Variants in NRG1 observed in about 807,000 individuals in gnomAD.
NRG1 encodes the protein neuregulin 1.
Under a neutral mutation model 63.8 loss-of-function variants are expected in NRG1, and 18 were observed. The observed-to-expected ratio is 0.28, with a 90% confidence interval of 0.19 to 0.42. NRG1 has a LOEUF of 0.42. NRG1 is among the 10% of genes least tolerant of loss of function. The pLI is 1.00. For synonymous variants in NRG1, 302 were observed against 301.3 expected (o/e 1.00, Z -0.02); for missense variants, 762 against 814.7 (o/e 0.94, Z 0.79).
intron 3 of NRG1, 55 bp from the exon 4 acceptor site, chr8:32,614,459 C>T (rs1455865978): frequency 6.4e-7 from 1 of 1,567,912 alleles, no homozygotes; most frequent in Non-Finnish European, 8.8e-7. Context: ...GCTGTGGTAC[C>T]TGCTCCCGGC....
At chr8:31,862,579 G>A (rs1254816744) in intron 1 of NRG1, among the ~76,000 whole-genome samples, 4 of 152,120 alleles carry the variant, frequency 2.6e-5, no homozygotes, top group South Asian at 4.1e-4. Context: ...GCTTTAGCCC[G>A]ACCATGACTT....
chr8:32,741,931 A>G (rs1400460136), intron 6 of NRG1, 77 bp from the exon 7 acceptor site: 2 of 1,040,844 alleles, frequency 1.9e-6, no homozygotes, highest in Non-Finnish European at 3.0e-6. Flanking sequence ...TCCATATTCC[A>G]TAGGAGGAAA....
chr8:31,679,582 C>T (rs180973555), intron 1 of NRG1, among the ~76,000 whole-genome samples: 14 of 152,140 alleles, frequency 9.2e-5, no homozygotes, highest in Admixed American at 9.2e-4. Context: ...AAGGTAAAAA[C>T]ATTGAGCAAA....
At chr8:32,119,717 C>G (rs1448687479) in intron 1 of NRG1, among the ~76,000 whole-genome samples, 2 of 151,934 alleles carry the variant, frequency 1.3e-5, no homozygotes, top group African/African-American at 4.8e-5. Context: ...ACACCCAGGA[C>G]AACTGGAAGG....
chr8:32,226,064 G>A (rs1343266826), intron 1 of NRG1, among the ~76,000 whole-genome samples: 6 of 152,072 alleles, frequency 3.9e-5, no homozygotes, highest in Non-Finnish European at 7.4e-5. Context: ...GTTGCATTGA[G>A]GACTGAAGAT....
intron 1 of NRG1, among the ~76,000 whole-genome samples, chr8:32,318,123 A>G (rs1156617945): frequency 2.0e-5 from 3 of 152,222 alleles, no homozygotes; most frequent in Non-Finnish European, 4.4e-5. Flanking sequence ...ATTTGGCAGA[A>G]GGCAAGGGTA....
chr8:31,993,440 C>T (rs964124596), intron 1 of NRG1, among the ~76,000 whole-genome samples: 1 of 151,946 alleles, frequency 6.6e-6, no homozygotes, highest in Non-Finnish European at 1.5e-5. Flanking sequence ...AAGGTTGGTG[C>T]CAGGTGGAGA....
At chr8:32,394,555 T>C (rs573776103) in intron 1 of NRG1, among the ~76,000 whole-genome samples, 14 of 152,320 alleles carry the variant, frequency 9.2e-5, no homozygotes, top group African/African-American at 3.4e-4. Flanking sequence ...TCTTTCAGCC[T>C]TTTCCTTCTT....
intron 1 of NRG1, among the ~76,000 whole-genome samples, chr8:32,445,311 C>T (rs1487679877): frequency 4.6e-5 from 7 of 151,510 alleles, no homozygotes; most frequent in Admixed American, 1.3e-4. Flanking sequence ...ATTTTTTTTC[C>T]GAATACCTTT....
At chr8:32,490,554 C>G (rs571661881) in intron 1 of NRG1, among the ~76,000 whole-genome samples, 1 of 152,064 alleles carries the variant, frequency 6.6e-6, no homozygotes, top group African/African-American at 2.4e-5. Flanking sequence ...AGCTATGAAG[C>G]ATTCTATTGG....
intron 1 of NRG1, among the ~76,000 whole-genome samples, chr8:31,991,275 C>G (rs190359249): frequency 7.5e-4 from 113 of 151,674 alleles, no homozygotes; most frequent in Non-Finnish European, 1.4e-3. Context: ...CTCATCCTGA[C>G]GACGACAACA....
At chr8:32,689,512 G>A (rs1467799008) in intron 5 of NRG1, among the ~76,000 whole-genome samples, 3 of 152,050 alleles carry the variant, frequency 2.0e-5, no homozygotes, top group Non-Finnish European at 2.9e-5. Context: ...TATTCTTGTG[G>A]AGAGCTGAGA....
chr8:32,547,984 G>C (rs1833274975), upstream of NRG1, among the ~76,000 whole-genome samples: 1 of 152,240 alleles, frequency 6.6e-6, no homozygotes, highest in Admixed American at 6.5e-5. Context: ...CGGGCAGCGA[G>C]AGCCTCGGGT....
At chr8:31,646,904 G>T (rs1398180508) in intron 1 of NRG1, among the ~76,000 whole-genome samples, 1 of 152,136 alleles carries the variant, frequency 6.6e-6, no homozygotes, top group African/African-American at 2.4e-5. Flanking sequence ...GACCTTTGGG[G>T]CTTCAGAGAA....
intron 1 of NRG1, among the ~76,000 whole-genome samples, chr8:32,037,132 A>G (rs1188596793): frequency 6.6e-6 from 1 of 151,998 alleles, no homozygotes; most frequent in Non-Finnish European, 1.5e-5. Context: ...GTTCTTTTTA[A>G]TTGATATTGT....
chr8:31,813,444 C>G (rs1823081483), intron 1 of NRG1, among the ~76,000 whole-genome samples: 1 of 150,944 alleles, frequency 6.6e-6, no homozygotes, highest in East Asian at 1.9e-4. Flanking sequence ...TTTTTATTTT[C>G]TGATGAGAAA....
chr8:32,323,412 T>G (rs975239781), intron 1 of NRG1, among the ~76,000 whole-genome samples: 1 of 152,186 alleles, frequency 6.6e-6, no homozygotes, highest in African/African-American at 2.4e-5. Flanking sequence ...AGAGACTGAT[T>G]TAGAGCCTAT....
At chr8:31,897,055 A>G (rs1027475980) in intron 1 of NRG1, among the ~76,000 whole-genome samples, 1 of 152,218 alleles carries the variant, frequency 6.6e-6, no homozygotes, top group Non-Finnish European at 1.5e-5. Context: ...ATTGGTTTCC[A>G]TTATTATTGT....
intron 1 of NRG1, among the ~76,000 whole-genome samples, chr8:31,957,057 T>C (rs976286991): frequency 6.6e-6 from 1 of 152,138 alleles, no homozygotes; most frequent in Non-Finnish European, 1.5e-5. Flanking sequence ...CTATGGGATA[T>C]AAGGCAAATT....
Sources: allele counts gnomAD v4.1 joint callset (sites outside exome capture counted in the v4.1 genomes callset), GRCh38; gene constraint gnomAD v4.1.1; transcripts MANE v1.5; gene names NCBI Gene and HGNC (gene_info 2026-07-23, HGNC 2026-07-21).